KCTD8: variants seen among roughly 807,000 people sequenced by gnomAD.
KCTD8 encodes potassium channel tetramerization domain containing 8.
A neutral mutation model predicts 31.5 loss-of-function variants in KCTD8; 27 were observed. That is an observed-to-expected ratio of 0.86 (90% CI 0.63 to 1.18). The LOEUF (loss-of-function observed/expected upper bound fraction) is 1.18, where lower values mean the gene tolerates loss of function less well. KCTD8 is among the 50% of genes most tolerant of loss of function. The probability of loss-of-function intolerance (pLI) is 0.00; values close to 1 mark genes in which losing one functional copy is unlikely to be tolerated. For synonymous variants in KCTD8, 290 were observed against 280.0 expected, an observed-to-expected ratio of 1.04 and a Z score of -0.36; for missense variants, 658 against 647.7, an observed-to-expected ratio of 1.02 and a Z score of -0.17.
At chr4:44,416,946 C>T (rs962434591) in intron 1 of KCTD8, among the ~76,000 whole-genome samples, 1 of 152,134 alleles carries the variant, frequency 6.6e-6, no homozygotes, top group Admixed American at 6.5e-5. Flanking sequence ...ATTTTGAAGG[C>T]TTGCTATATG....
chr4:44,336,505 G>T (rs981017906), intron 1 of KCTD8, among the ~76,000 whole-genome samples: 2 of 151,832 alleles, frequency 1.3e-5, no homozygotes, highest in African/African-American at 4.8e-5. Flanking sequence ...GTAACTGAAG[G>T]CACCTGTATC....
chr4:44,209,793 T>A (rs1265749497), intron 1 of KCTD8, among the ~76,000 whole-genome samples: 1 of 151,942 alleles, frequency 6.6e-6, no homozygotes, highest in Non-Finnish European at 1.5e-5. Context: ...GTGAGAAAAA[T>A]ACAATAAAAT....
At chr4:44,177,124 T>C (rs1382699902) in intron 1 of KCTD8, among the ~76,000 whole-genome samples, 2 of 152,150 alleles carry the variant, frequency 1.3e-5, no homozygotes. Context: ...GAAAATGCAC[T>C]GCTAACACTC....
In KCTD8 at chr4:44,448,784, C is replaced by T. The variant is rs2109491511; in HGVS notation, c.-261G>A. ...GGAGAGGCAAGAAGGAGCTGCTGCTCCTTTGGGGCGAGGGCGGGGAAGTGT... is the reference window on the plus strand; with the variant it reads ...GGAGAGGCAAGAAGGAGCTGCTGCTTCTTTGGGGCGAGGGCGGGGAAGTGT... On this transcript the variant is annotated 5_prime_UTR_variant, in exon 1 of 2. Transcript: ENST00000360029. The surrounding 1 kb of genome is among the most constrained non-coding windows in gnomAD (Gnocchi z 4.1). 2.9e-6 allele frequency: 1 copy of T among 345,916 alleles called. No individual in the cohort carries two copies. The highest frequency in any genetic ancestry group is 2.1e-5 in the African/African-American group (1 of 47,318). 21.4% of individuals were successfully genotyped at this position (345,916 alleles called of 1,614,324 possible). A position where few individuals can be genotyped will look rare whatever the true frequency, so the allele number is the denominator to read the frequency against.
chr4:44,407,866 T>C (rs952152517), intron 1 of KCTD8, among the ~76,000 whole-genome samples: 25 of 152,160 alleles, frequency 1.6e-4, no homozygotes, highest in Non-Finnish European at 2.5e-4. Context: ...CGGAATAGTT[T>C]CCTCAGGTTC....
chr4:44,297,709 T>C (rs951866364), intron 1 of KCTD8, among the ~76,000 whole-genome samples: 6 of 152,110 alleles, frequency 3.9e-5, no homozygotes, highest in Admixed American at 2.0e-4. Context: ...ATATGGTAGG[T>C]CTTAGATTCT....
intron 1 of KCTD8, among the ~76,000 whole-genome samples, chr4:44,408,769 C>T (rs1249942679): frequency 6.6e-6 from 1 of 152,012 alleles, no homozygotes; most frequent in Non-Finnish European, 1.5e-5. Flanking sequence ...CAGGTACATG[C>T]CACCACGCCC....
At chr4:44,407,555 T>A (rs182954930) in intron 1 of KCTD8, among the ~76,000 whole-genome samples, 8 of 152,102 alleles carry the variant, frequency 5.3e-5, no homozygotes, top group East Asian at 1.9e-4. Flanking sequence ...CCCAGCTAAT[T>A]TTGTATTTTT....
intron 1 of KCTD8, among the ~76,000 whole-genome samples, chr4:44,402,892 C>T (rs1478751490): frequency 1.3e-4 from 20 of 152,132 alleles, no homozygotes. Flanking sequence ...TCAAACTGTT[C>T]ACTGACACAA....
chr4:44,219,673 A>G (rs888970091), intron 1 of KCTD8, among the ~76,000 whole-genome samples: 1 of 152,224 alleles, frequency 6.6e-6, no homozygotes, highest in African/African-American at 2.4e-5. Flanking sequence ...TTCCAGAACT[A>G]TGAGAGAATA....
At chr4:44,254,834 T>A (rs1715946748) in intron 1 of KCTD8, among the ~76,000 whole-genome samples, 1 of 151,898 alleles carries the variant, frequency 6.6e-6, no homozygotes, top group African/African-American at 2.4e-5. Flanking sequence ...GACAGTCTGG[T>A]ATCATTTATT....
At chr4:44,402,393 T>A (rs945748616) in intron 1 of KCTD8, among the ~76,000 whole-genome samples, 19 of 152,196 alleles carry the variant, frequency 1.2e-4, no homozygotes, top group Non-Finnish European at 1.5e-5. Context: ...TATCAATATT[T>A]AATTACTATT....
intron 1 of KCTD8, among the ~76,000 whole-genome samples, chr4:44,214,288 G>A (rs1714581017): frequency 6.6e-6 from 1 of 152,114 alleles, no homozygotes; most frequent in African/African-American, 2.4e-5. Context: ...GGAGGATAGA[G>A]GGGGAAAATA....
intron 1 of KCTD8, among the ~76,000 whole-genome samples, chr4:44,403,929 A>C (rs1303811716): frequency 2.0e-5 from 3 of 152,158 alleles, no homozygotes; most frequent in Admixed American, 6.6e-5. Flanking sequence ...CATTATTTTT[A>C]ATTTGTAATT....
intron 1 of KCTD8, among the ~76,000 whole-genome samples, chr4:44,395,001 G>C (rs899265495): frequency 9.2e-5 from 14 of 152,002 alleles, no homozygotes; most frequent in Admixed American, 5.9e-4. Flanking sequence ...CATGATAGTT[G>C]TGTTTACAGC....
At position 44,448,594 on chromosome 4, in the gene KCTD8, C is replaced by T. The variant is rs979274987; in HGVS notation, c.-71G>A. 1 of 1,360,362 alleles carries T rather than the reference C, an allele frequency of 7.4e-7. No individual in the cohort carries two copies. The highest frequency in any genetic ancestry group is 3.1e-5 in the Admixed American group (1 of 32,508). 84.3% of individuals were successfully genotyped at this position (1,360,362 alleles called of 1,614,324 possible). On this transcript the variant is annotated 5_prime_UTR_variant, in exon 1 of 2. Coordinates refer to ENST00000360029, the MANE Select transcript of KCTD8 (RefSeq NM_198353.3). This position sits in a 1 kb window ranked among gnomAD's most constrained non-coding sequence, Gnocchi z 4.1. ...TCGTTCCCGGAGCCCGCGCCCCAGC[C>T]CTCCGCGTGCTCCTGGCGCTCTGCG...
intron 1 of KCTD8, among the ~76,000 whole-genome samples, chr4:44,193,750 C>A (rs1301579510): frequency 6.6e-6 from 1 of 151,656 alleles, no homozygotes; most frequent in Admixed American, 6.6e-5. Context: ...CAAGCAATGT[C>A]TATTTATCAA....
chr4:44,389,737 T>C (rs1421363360), intron 1 of KCTD8, among the ~76,000 whole-genome samples: 1 of 151,914 alleles, frequency 6.6e-6, no homozygotes, highest in Non-Finnish European at 1.5e-5. Context: ...TGGTAAATTT[T>C]ATGTGTATTT....
intron 1 of KCTD8, among the ~76,000 whole-genome samples, chr4:44,205,566 C>A (rs1714280860): frequency 6.6e-6 from 1 of 152,012 alleles, no homozygotes; most frequent in African/African-American, 2.4e-5. Context: ...CTGTTTAATA[C>A]AAGTAAATAA....
Sources: gnomAD v4.1 joint callset for allele counts (sites outside exome capture counted in the v4.1 genomes callset) on GRCh38, gnomAD v4.1.1 for gene constraint, Gnocchi (gnomAD v3.1) non-coding constraint, MANE v1.5 for transcripts, NCBI Gene and HGNC (gene_info 2026-07-23, HGNC 2026-07-21) for gene names.